Variants in PCSK9 observed in about 807,000 individuals in gnomAD.
The protein encoded by PCSK9 is convertase subtilisin/kexin type 9 preproprotein.
Under a neutral mutation model 62.1 loss-of-function variants are expected in PCSK9, and 57 were observed. The ratio of observed to expected loss-of-function variants is 0.92; its 90% CI spans 0.74 to 1.14. PCSK9 has a LOEUF of 1.14. Among genes scored for constraint, PCSK9 ranks in the 50% most tolerant of loss-of-function variants. The pLI, the probability that PCSK9 is intolerant of heterozygous loss-of-function variation, is 0.00. For missense variants in PCSK9, 870 were observed against 959.8 expected (o/e 0.91, Z 1.24); for synonymous variants, 387 against 409.4 (o/e 0.95, Z 0.66).
chr1:55,063,926 T>G lies in PCSK9; in HGVS notation c.*342T>G. 7 of 335,156 alleles carry G rather than the reference T, an allele frequency of 2.1e-5. No individual in the cohort carries two copies. Among genetic ancestry groups the G allele is most frequent in the Non-Finnish European group, 3.4e-5 (6 of 178,740 alleles). 20.8% of individuals were successfully genotyped at this position (335,156 alleles called of 1,614,324 possible). On this transcript the variant is annotated 3_prime_UTR_variant, in exon 12 of 12. Transcript: ENST00000302118. ...CAGAATGACTTTTATTGAGCTCTTG[T>G]TCCGTGCCAGGCATTCAATCCTCAG...
chr1:55,048,365 A>T (rs999122650), intron 3 of PCSK9, among the ~76,000 whole-genome samples: 69 of 152,358 alleles, frequency 4.5e-4, no homozygotes, highest in African/African-American at 1.6e-3. Context: ...ATAAGGTCAC[A>T]GCCACAGGTT....
Position 55,061,586 on chromosome 1 carries a change from G to A in PCSK9, c.1863+30G>A, listed in dbSNP as rs764359695. 1.9e-6 allele frequency: 3 copies of A among 1,565,810 alleles called. No homozygotes were observed. In the East Asian group the frequency reaches 7.1e-5, roughly 37 times the overall value. ...AGAGGCCCGTGAGGCCGGGTGGGTG[G>A]GGTGCTGCGTGTCTCTCCTGCACAG... On this transcript the variant is annotated intron_variant, in intron 11 of 11. Transcript: ENST00000302118.
Position 55,044,123 on chromosome 1 carries a change from G to A in PCSK9, c.399+89G>A, listed in dbSNP as rs931249595. On this transcript the variant is annotated intron_variant, in intron 2 of 11. Transcript: ENST00000302118. Reference sequence around the variant, plus strand: ...GACTGTGCTTAGTAGGCCCATTGCTGAAAATCAGAAGGGGACAGCAAGTAT... The same window carrying A: ...GACTGTGCTTAGTAGGCCCATTGCTAAAAATCAGAAGGGGACAGCAAGTAT... The A allele has an allele frequency of 4.8e-6, 7 of 1,451,368 alleles. No homozygotes were observed. The African/African-American group carries it at 9.8e-5, about 20-fold the overall frequency. The allele number at this position is 1,451,368 out of a possible 1,614,324, so 89.9% of individuals were successfully genotyped here.
Position 55,056,107 on chromosome 1 carries a change from C to T in PCSK9, c.914C>T (p.Ala305Val), listed in dbSNP as rs1239236028. The T allele has an allele frequency of 1.4e-5, 23 of 1,587,136 alleles. No individual in the cohort carries two copies. Among genetic ancestry groups the T allele is most frequent in the Non-Finnish European group, 1.9e-5 (22 of 1,162,840 alleles). Residue 305 changes from alanine (A) to valine (V), a missense_variant, in exon 6 of 12, where the codon GCG becomes GTG. Transcript: ENST00000302118. ...RVLNAACQRL[A>V]RAGVVLVTAA... ...CTCAACGCCGCCTGCCAGCGCCTGG[C>T]GAGGGCTGGGGTCGTGCTGGTCACC...
In PCSK9 at chr1:55,039,873, G is replaced by T; in HGVS notation, c.36G>T (p.Pro12=). 1 of 1,559,834 alleles carries T rather than the reference G, an allele frequency of 6.4e-7. No homozygotes were observed. Among genetic ancestry groups the T allele is most frequent in the South Asian group, 1.2e-5 (1 of 84,922 alleles). The part of the protein sequence containing the change: ...GTVSSRRSWW[P]LPLLLLLLLL... ...TCAGCTCCAGGCGGTCCTGGTGGCC[G>T]CTGCCACTGCTGCTGCTGCTGCTGC... The change falls in exon 1 of 12, where the codon CCG becomes CCT. Residue 12 remains proline (P), a synonymous_variant. Transcript: ENST00000302118.
intron 10 of PCSK9, 143 bp downstream of exon 10, chr1:55,059,806 A>C: frequency 9.0e-7 from 1 of 1,108,534 alleles, no homozygotes; most frequent in Non-Finnish European, 1.3e-6. Flanking sequence ...TGCCACTTCC[A>C]TGCCCTTTGA....
rs67608943 is a variant in PCSK9 at position 55,046,549 on chromosome 1, C to G, written c.426C>G (p.Tyr142Ter). ...ELALKLPHVD[Y>*]IEEDSSVFAQ... ...CCTTGAAGTTGCCCCATGTCGACTA[C>G]ATCGAGGAGGACTCCTCTGTCTTTG... The change falls in exon 3 of 12, where the codon TAC becomes TAG. Residue 142 changes from tyrosine to a stop codon, truncating the protein, a stop_gained. Transcript: ENST00000302118. LOFTEE classifies it high-confidence loss of function. 1.5e-4 allele frequency: 239 copies of G among 1,614,194 alleles called. No homozygotes were observed. The African/African-American group carries it at 2.9e-3, about 20-fold the overall frequency.
chr1:55,052,868 G>A, intron 5 of PCSK9, 77 bp downstream of exon 5: 1 of 1,602,536 alleles, frequency 6.2e-7, no homozygotes, highest in Non-Finnish European at 8.5e-7. Flanking sequence ...GGCCCAGGGA[G>A]AGCTAATGTC....
At chr1:55,043,300 C>A (rs182703185) in intron 1 of PCSK9, among the ~76,000 whole-genome samples, 6 of 152,198 alleles carry the variant, frequency 3.9e-5, no homozygotes, top group Non-Finnish European at 8.8e-5. Flanking sequence ...TTTATATAAC[C>A]GTCACTCTTG....
chr1:55,064,414 C>T lies in PCSK9; in HGVS notation c.*830C>T, dbSNP rs1196052013. ...GCCTGCCAAGCTCACACAGCAGGAA[C>T]TGAGCCAGAAACGCAGATTGGGCTG... On this transcript the variant is annotated 3_prime_UTR_variant, in exon 12 of 12. Coordinates refer to ENST00000302118, the MANE Select transcript of PCSK9 (RefSeq NM_174936.4). The T allele has an allele frequency of 6.6e-6, 1 of 152,280 alleles. No individual in the cohort carries two copies. Among genetic ancestry groups the T allele is most frequent in the Admixed American group, 6.5e-5 (1 of 15,288 alleles). 9.4% of individuals were successfully genotyped at this position (152,280 alleles called of 1,614,324 possible).
intron 11 of PCSK9, among the ~76,000 whole-genome samples, chr1:55,062,451 A>G (rs1644767257): frequency 6.6e-6 from 1 of 152,346 alleles, no homozygotes; most frequent in Non-Finnish European, 1.5e-5. Flanking sequence ...CCCAAGAGAC[A>G]TGCTGTTCTC....
At chr1:55,058,799 C>G in intron 9 of PCSK9, 152 bp downstream of exon 9, 1 of 1,464,954 alleles carries the variant, frequency 6.8e-7, no homozygotes, top group Non-Finnish European at 9.2e-7. Context: ...CAGGGCTGGC[C>G]AGACCAGGAG....
At position 55,057,956 on chromosome 1, in the gene PCSK9, G is replaced by A. The variant is rs368830572; in HGVS notation, c.1181-80G>A. 52 of 1,557,630 alleles carry A rather than the reference G, an allele frequency of 3.3e-5. 1 individual carries two copies. The Middle Eastern group carries it at 2.8e-3, about 85-fold the overall frequency. On this transcript the variant is annotated intron_variant, in intron 7 of 11. Coordinates refer to ENST00000302118, the MANE Select transcript of PCSK9 (RefSeq NM_174936.4). ...CGTGTGTTTGTGTGTATGTGTGTGC[G>A]TGTGTGCACTGGCAGGAGTCCCCTG...
Position 55,040,541 on chromosome 1 carries a change from C to T in PCSK9, c.207+497C>T, listed in dbSNP as rs1644591590. Among the ~76,000 whole-genome samples the T allele has an allele frequency of 6.6e-6, 1 of 152,060 alleles. No homozygotes were observed. Among genetic ancestry groups the T allele is most frequent in the Admixed American group, 6.5e-5 (1 of 15,274 alleles). ...GGGTGGAGGGCCTGGAGAGAAGGCC[C>T]TACCCGAGACAGGGGCGGGGTGGGA... On this transcript the variant is annotated intron_variant, in intron 1 of 11. Coordinates refer to ENST00000302118, the MANE Select transcript of PCSK9 (RefSeq NM_174936.4). The surrounding 1 kb of genome is among the most constrained non-coding windows in gnomAD (Gnocchi z 4.1).
Position 55,059,628 on chromosome 1 carries a change from G to T in PCSK9, c.1646G>T (p.Arg549Leu). ...APPAEASMGT[R>L]VHCHQQGHVL... Reference sequence around the variant, plus strand: ...CCAGCTGAGGCCAGCATGGGGACCCGTGTCCACTGCCACCAACAGGGCCAC... The same window carrying T: ...CCAGCTGAGGCCAGCATGGGGACCCTTGTCCACTGCCACCAACAGGGCCAC... Residue 549 changes from arginine (R) to leucine (L), a missense_variant, in exon 10 of 12, where the codon CGT becomes CTT. Physicochemically the swap from Arg to Leu is moderately radical, Grantham distance 102 (BLOSUM62 -2). Coordinates refer to ENST00000302118, the MANE Select transcript of PCSK9 (RefSeq NM_174936.4). 1.9e-6 allele frequency: 3 copies of T among 1,551,676 alleles called. No individual in the cohort carries two copies. Among genetic ancestry groups the T allele is most frequent in the Non-Finnish European group, 2.6e-6 (3 of 1,147,308 alleles).
intron 11 of PCSK9, 135 bp from the exon 12 acceptor site, chr1:55,063,234 C>A: frequency 1.1e-6 from 1 of 932,128 alleles, no homozygotes; most frequent in Non-Finnish European, 1.7e-6. Context: ...ACGGTTGTGT[C>A]CCAAATGGGC....
chr1:55,054,893 T>C (rs1019459150), intron 5 of PCSK9, among the ~76,000 whole-genome samples: 2 of 151,958 alleles, frequency 1.3e-5, no homozygotes, highest in Admixed American at 1.3e-4. Context: ...TAGTCCCAGC[T>C]ACTCAGGAGG....
rs1298781718 is a variant in PCSK9, at chr1:55,057,330, G to A, written c.997-1G>A. 6.2e-7 allele frequency: 1 copy of A among 1,613,722 alleles called. No individual in the cohort carries two copies. The highest frequency in any genetic ancestry group is 8.5e-7 in the Non-Finnish European group (1 of 1,179,814). On this transcript the variant is annotated splice_acceptor_variant, in intron 6 of 11. Transcript: ENST00000302118. LOFTEE classifies it high-confidence loss of function. ...TGCCACCCACCTCCTCACCTTTCCA[G>A]GTCATCACAGTTGGGGCCACCAATG...
intron 5 of PCSK9, among the ~76,000 whole-genome samples, chr1:55,054,157 G>T (rs1644695781): frequency 6.6e-6 from 1 of 152,184 alleles, no homozygotes; most frequent in Admixed American, 6.5e-5. Flanking sequence ...GCCGAGGTGG[G>T]CAGATCACCT....
Sources: gnomAD v4.1 joint callset for allele counts (sites outside exome capture counted in the v4.1 genomes callset) on GRCh38, gnomAD v4.1.1 for gene constraint, Gnocchi (gnomAD v3.1) non-coding constraint, MANE v1.5 for transcripts, NCBI Gene and HGNC (gene_info 2026-07-23, HGNC 2026-07-21) for gene names.